BLCAP: variants seen among roughly 807,000 people sequenced by gnomAD.
BLCAP encodes the protein apoptosis inducing factor BLCAP.
BLCAP carries 1 observed loss-of-function variant against 5.7 expected under a neutral mutation model. The observed-to-expected ratio is 0.18, with a 90% CI of 0.06 to 0.83. The LOEUF is 0.83. Ranked by LOEUF, BLCAP falls within the 40% of genes least tolerant of loss-of-function variation. The pLI is 0.71. For synonymous variants in BLCAP, 48 were observed against 49.4 expected (o/e 0.97, Z 0.11); for missense variants, 66 against 107.6 (o/e 0.61, Z 1.71).
chr20:37,526,542 C>CGCGTGGTTCTTGGTA (rs1568689014), intron 1 of BLCAP: 1 of 151,074 alleles, frequency 6.6e-6, no homozygotes, highest in Non-Finnish European at 1.5e-5. Context: ...AGGCAGGCAA[C>CGCGTGGTTCTTGGTA]GCGTGGTTCT....
intron 1 of BLCAP, chr20:37,524,255 A>C (rs2071683520): frequency 6.6e-6 from 1 of 152,196 alleles, no homozygotes; most frequent in Non-Finnish European, 1.5e-5. Context: ...TACAAAGACA[A>C]TCTGCCTGGC....
At chr20:37,519,806 A>C (rs1437997654) in intron 1 of BLCAP, among the ~76,000 whole-genome samples, 1 of 152,248 alleles carries the variant, frequency 6.6e-6, no homozygotes, top group African/African-American at 2.4e-5. Flanking sequence ...TTCTGTATCT[A>C]GCATCTCTCA....
In BLCAP at chr20:37,521,842, C is replaced by T. The variant is rs1463247492; in HGVS notation, c.-176-2492G>A. On this transcript the variant is annotated intron_variant, in intron 1 of 1. Transcript: ENST00000373537. This position sits in a 1 kb window ranked among gnomAD's most constrained non-coding sequence, Gnocchi z 4.5. ...TATTTAAAAAAACATATAGCGCTTG[C>T]GGGGGTGGAACAAAAAATAAGTTAG... 6.5e-6 allele frequency: 1 copy of T among 154,948 alleles called. No homozygotes were observed. Among genetic ancestry groups the T allele is most frequent in the African/African-American group, 2.5e-5 (1 of 40,390 alleles). 9.6% of individuals were successfully genotyped at this position (154,948 alleles called of 1,614,324 possible).
At chr20:37,522,885 C>A in intron 1 of BLCAP, 1 of 809,576 alleles carries the variant, frequency 1.2e-6, no homozygotes, top group Non-Finnish European at 1.9e-6. Context: ...GAGCACTTGG[C>A]AAGGTCAGTG....
Position 37,518,293 on chromosome 20 carries a change from G to C in BLCAP, c.*618C>G, listed in dbSNP as rs771808212. 1 of 152,300 alleles carries C rather than the reference G, an allele frequency of 6.6e-6. No homozygotes were observed. The highest frequency in any genetic ancestry group is 1.5e-5 in the Non-Finnish European group (1 of 68,042). 9.4% of individuals were successfully genotyped at this position (152,300 alleles called of 1,614,324 possible). A position where few individuals can be genotyped will look rare whatever the true frequency, so the allele number is the denominator to read the frequency against. On this transcript the variant is annotated 3_prime_UTR_variant, in exon 2 of 2. Coordinates refer to ENST00000373537, the MANE Select transcript of BLCAP (RefSeq NM_006698.4). The stretch of plus-strand genomic sequence containing the variant: ...TTAAAAATGAAGTGGAGAAAATACT[G>C]AAGATTTGTGGACAACTAACAGTCA...
intron 1 of BLCAP, among the ~76,000 whole-genome samples, chr20:37,522,186 A>AT (rs1291569182): frequency 3.1e-4 from 5 of 16,380 alleles, no homozygotes; most frequent in South Asian, 5.9e-3. Context: ...TTTACAAAAA[A>AT]AAAAATAATA....
At position 37,521,655 on chromosome 20, in the gene BLCAP, C is replaced by A. The variant is rs1390728312; in HGVS notation, c.-176-2305G>T. On this transcript the variant is annotated intron_variant, in intron 1 of 1. Transcript: ENST00000373537. This position sits in a 1 kb window ranked among gnomAD's most constrained non-coding sequence, Gnocchi z 4.5. ...CTCGGGGCGCGGCGGGCGACCGCTGCGGACGATCACCCAGGCATTTAGCGA... is the reference window on the plus strand; with the variant it reads ...CTCGGGGCGCGGCGGGCGACCGCTGAGGACGATCACCCAGGCATTTAGCGA... The A allele has an allele frequency of 3.9e-6, 2 of 508,486 alleles. No homozygotes were observed. The highest frequency in any genetic ancestry group is 7.1e-6 in the Non-Finnish European group (2 of 282,452). The allele number at this position is 508,486 out of a possible 1,614,324, so 31.5% of individuals were successfully genotyped here.
Position 37,522,439 on chromosome 20 carries a change from G to A in BLCAP, c.-176-3089C>T, listed in dbSNP as rs758940471. 1.2e-6 allele frequency: 2 copies of A among 1,613,228 alleles called. No individual in the cohort carries two copies. The highest frequency in any genetic ancestry group is 3.3e-5 in the Admixed American group (2 of 60,000). On this transcript the variant is annotated intron_variant, in intron 1 of 1. Transcript: ENST00000373537. ...GACACAGCCCATTGCGAGAAGTGAG[G>A]TATACCTAAGTTGTGGGTCCAATCA...
rs758140628 is a variant in BLCAP, at chr20:37,519,325, C to A, written c.-151G>T. 2.1e-4 allele frequency: 181 copies of A among 861,664 alleles called. 1 individual carries two copies. The highest frequency in any genetic ancestry group is 2.9e-4 in the Non-Finnish European group (171 of 584,276). The allele number at this position is 861,664 out of a possible 1,614,324, so 53.4% of individuals were successfully genotyped here. ...GCCGCTGTGCTCTCTGGCTGTCAGC[C>A]CGGGATCACCAAGGCAGCAGGGATC... On this transcript the variant is annotated 5_prime_UTR_variant, in exon 2 of 2. Coordinates refer to ENST00000373537, the MANE Select transcript of BLCAP (RefSeq NM_006698.4).
chr20:37,520,698 T>C (rs919748269), intron 1 of BLCAP: 1 of 152,518 alleles, frequency 6.6e-6, no homozygotes, highest in African/African-American at 2.4e-5. Context: ...AAGAGAGATG[T>C]AAAGAATCAG....
chr20:37,526,339 A>G (rs1424284199), intron 1 of BLCAP, among the ~76,000 whole-genome samples: 1 of 135,654 alleles, frequency 7.4e-6, no homozygotes, highest in Non-Finnish European at 1.5e-5. Context: ...TACACAAAAC[A>G]CTAGTCAAAC....
Position 37,521,569 on chromosome 20 carries a change from C to G in BLCAP, c.-176-2219G>C, listed in dbSNP as rs2071575777. The G allele has an allele frequency of 1.5e-6, 1 of 680,952 alleles. No individual in the cohort carries two copies. Among genetic ancestry groups the G allele is most frequent in the East Asian group, 2.8e-5 (1 of 35,912 alleles). The allele number at this position is 680,952 out of a possible 1,614,324, so 42.2% of individuals were successfully genotyped here. ...GCACCGCGCGCCCCCTGCCCATTCC[C>G]TGCGCCGTCCTCCTCGCGCTGACCC... On this transcript the variant is annotated intron_variant, in intron 1 of 1. Coordinates refer to ENST00000373537, the MANE Select transcript of BLCAP (RefSeq NM_006698.4). The surrounding 1 kb of genome is among the most constrained non-coding windows in gnomAD (Gnocchi z 4.5).
Position 37,521,642 on chromosome 20 carries a change from C to T in BLCAP, c.-176-2292G>A, listed in dbSNP as rs1601091670. The T allele has an allele frequency of 1.1e-5, 6 of 525,842 alleles. No individual in the cohort carries two copies. Among genetic ancestry groups the T allele is most frequent in the South Asian group, 6.5e-5 (3 of 46,136 alleles). 32.6% of individuals were successfully genotyped at this position (525,842 alleles called of 1,614,324 possible). A position where few individuals can be genotyped will look rare whatever the true frequency, so the allele number is the denominator to read the frequency against. On this transcript the variant is annotated intron_variant, in intron 1 of 1. Coordinates refer to ENST00000373537, the MANE Select transcript of BLCAP (RefSeq NM_006698.4). This position sits in a 1 kb window ranked among gnomAD's most constrained non-coding sequence, Gnocchi z 4.5. ...CAGGGAACAAAGACTCGGGGCGCGGCGGGCGACCGCTGCGGACGATCACCC... is the reference window on the plus strand; with the variant it reads ...CAGGGAACAAAGACTCGGGGCGCGGTGGGCGACCGCTGCGGACGATCACCC...
Position 37,521,310 on chromosome 20 carries a change from C to T in BLCAP, c.-176-1960G>A. 1 of 1,613,278 alleles carries T rather than the reference C, an allele frequency of 6.2e-7. No individual in the cohort carries two copies. Among genetic ancestry groups the T allele is most frequent in the Non-Finnish European group, 8.5e-7 (1 of 1,179,220 alleles). ...CTCGGCAAACCCTCTTTCTCGACCACCCACCTACCATTCTTGGAACCATGG... is the reference window on the plus strand; with the variant it reads ...CTCGGCAAACCCTCTTTCTCGACCATCCACCTACCATTCTTGGAACCATGG... On this transcript the variant is annotated intron_variant, in intron 1 of 1. Transcript: ENST00000373537. This position sits in a 1 kb window ranked among gnomAD's most constrained non-coding sequence, Gnocchi z 4.5.
chr20:37,522,755 A>C, intron 1 of BLCAP: 1 of 1,600,670 alleles, frequency 6.2e-7, no homozygotes, highest in Non-Finnish European at 8.5e-7. Flanking sequence ...CGAGCCCCCA[A>C]CTGAGGCCCC....
chr20:37,518,925 C>T lies in BLCAP; in HGVS notation c.250G>A (p.Val84Ile). 3.7e-6 allele frequency: 6 copies of T among 1,614,172 alleles called. No homozygotes were observed. Among genetic ancestry groups the T allele is most frequent in the South Asian group, 1.1e-5 (1 of 91,078 alleles). Residue 84 changes from valine to isoleucine, a missense_variant, in exon 2 of 2, where the codon GTT becomes ATT. By Grantham distance (29) the Val-to-Ile change is conservative. Coordinates refer to ENST00000373537, the MANE Select transcript of BLCAP (RefSeq NM_006698.4). ...AGGGCAGGCCGTTAGGTGCCCACAA[C>T]GCCGGGATCATGCGCCGATTCTGGA... ...PLPESAHDPG[V>I]VGT
At chr20:37,519,417 A>AAG (rs2071485078) in intron 1 of BLCAP, 67 bp from the exon 2 acceptor site, 1 of 281,504 alleles carries the variant, frequency 3.6e-6, no homozygotes, top group African/African-American at 2.9e-5. Context: ...AAAAAAAAAA[A>AAG]AAAAAAGAAA....
rs1239634155 is a variant in BLCAP, at chr20:37,519,358, G to A, written c.-176-8C>T. 3 of 197,516 alleles carry A rather than the reference G, an allele frequency of 1.5e-5. No individual in the cohort carries two copies. The highest frequency in any genetic ancestry group is 8.7e-6 in the Non-Finnish European group (1 of 115,502). The allele number at this position is 197,516 out of a possible 1,614,324, so 12.2% of individuals were successfully genotyped here. ...ACCAAGGCAGCAGGGATCCTGAAGA[G>A]AAAAGTCAACACAACAGACAAACAG... is the stretch of plus-strand genomic sequence containing the variant. On this transcript the variant is annotated splice_region_variant and splice_polypyrimidine_tract_variant and intron_variant, in intron 1 of 1. Transcript: ENST00000373537.
Position 37,518,859 on chromosome 20 carries a change from A to T in BLCAP, c.*52T>A. 1.3e-6 allele frequency: 2 copies of T among 1,595,384 alleles called. No homozygotes were observed. Among genetic ancestry groups the T allele is most frequent in the East Asian group, 4.5e-5 (2 of 44,764 alleles). On this transcript the variant is annotated 3_prime_UTR_variant, in exon 2 of 2. Transcript: ENST00000373537. ...ACTCCAATGCTTTATGACCTATGTC[A>T]ATGCCTCCCCTCCCGTCTTCTGCTT...
Sources: allele counts gnomAD v4.1 joint callset (sites outside exome capture counted in the v4.1 genomes callset), GRCh38; gene constraint gnomAD v4.1.1; non-coding constraint Gnocchi (gnomAD v3.1); transcripts MANE v1.5; gene names NCBI Gene and HGNC (gene_info 2026-07-23, HGNC 2026-07-21).